SEMA3C: variants seen among roughly 807,000 people sequenced by gnomAD.
The protein encoded by SEMA3C is semaphorin-3C.
In SEMA3C, 47 loss-of-function variants were observed where a neutral mutation model predicts 89.4. That is an observed-to-expected ratio of 0.53 (90% CI 0.42 to 0.67). SEMA3C has a LOEUF of 0.67. Ranked by LOEUF, SEMA3C falls within the 30% of genes least tolerant of loss-of-function variation. The pLI is 0.00. For missense variants in SEMA3C, 839 were observed against 929.1 expected (o/e 0.90, Z 1.26); for synonymous variants, 310 against 320.2 (o/e 0.97, Z 0.34).
At chr7:80,795,017 A>T (rs1583884430) in intron 11 of SEMA3C, among the ~76,000 whole-genome samples, 1 of 152,198 alleles carries the variant, frequency 6.6e-6, no homozygotes, top group Non-Finnish European at 1.5e-5. Context: ...CTTTAAGAAC[A>T]CAGCCATATA....
rs75491119 is a variant in SEMA3C at position 80,909,297 on chromosome 7, C to G, written c.103+7382G>C. On this transcript the variant is annotated intron_variant, in intron 2 of 17. Coordinates refer to ENST00000265361, the MANE Select transcript of SEMA3C (RefSeq NM_006379.5). The stretch of plus-strand genomic sequence containing the variant: ...CATTCTGTCTCCCTTCTCTGAGGAA[C>G]AGAAATCTTCTGTAAAATTACATTG... Among the ~76,000 whole-genome samples the G allele has an allele frequency of 1.7e-3, 255 of 152,254 alleles. 4 individuals are homozygous for G. The East Asian group carries it at 0.026, about 16-fold the overall frequency.
rs1457066940 is a variant in SEMA3C at position 80,796,004 on chromosome 7, C to CTCT, written c.1131+2085_1131+2087dup. Among the ~76,000 whole-genome samples, 4 of 152,156 alleles carry CTCT rather than the reference C, an allele frequency of 2.6e-5. No individual in the cohort carries two copies. The East Asian group carries it at 7.7e-4, about 29-fold the overall frequency. On this transcript the variant is annotated intron_variant, in intron 11 of 17. Transcript: ENST00000265361. ...TCAAACCCTGATTCAAGCAGCATGG[C>CTCT]TCTCTTTTATCTTTTTAATATCTTT...
At chr7:80,855,603 T>C (rs1048023257) in intron 2 of SEMA3C, among the ~76,000 whole-genome samples, 3 of 152,112 alleles carry the variant, frequency 2.0e-5, no homozygotes, top group Non-Finnish European at 4.4e-5. Flanking sequence ...CTGAGGAAAC[T>C]AGGGCAGAAA....
chr7:80,824,589 T>TA (rs1789828379), intron 4 of SEMA3C, among the ~76,000 whole-genome samples: 1 of 152,172 alleles, frequency 6.6e-6, no homozygotes, highest in Non-Finnish European at 1.5e-5. Context: ...TACTACAAAA[T>TA]CTATCAAACC....
At chr7:80,882,869 T>C (rs1049074461) in intron 2 of SEMA3C, among the ~76,000 whole-genome samples, 4 of 151,846 alleles carry the variant, frequency 2.6e-5, no homozygotes, top group African/African-American at 7.3e-5. Context: ...AATAGACATA[T>C]GAAAATTTAA....
intron 2 of SEMA3C, among the ~76,000 whole-genome samples, chr7:80,887,157 C>T (rs1337628545): frequency 6.6e-6 from 1 of 152,084 alleles, no homozygotes; most frequent in Non-Finnish European, 1.5e-5. Context: ...AAATTTAAGG[C>T]ATAATACATT....
At chr7:80,767,155 T>A (rs11976646) in intron 12 of SEMA3C, among the ~76,000 whole-genome samples, 15,229 of 152,266 alleles carry the variant, frequency 0.1, 844 homozygotes, top group Non-Finnish European at 0.12. Context: ...TGCGTTGGTC[T>A]CTCACTCCGC....
intron 2 of SEMA3C, among the ~76,000 whole-genome samples, chr7:80,865,526 G>C (rs1192999820): frequency 6.6e-6 from 1 of 151,980 alleles, no homozygotes; most frequent in Non-Finnish European, 1.5e-5. Flanking sequence ...GGTGGCTCAC[G>C]CCTGTAATCC....
At chr7:80,800,714 A>C (rs529016438) in intron 10 of SEMA3C, 43 bp downstream of exon 10, 1 of 1,153,548 alleles carries the variant, frequency 8.7e-7, no homozygotes, top group African/African-American at 1.6e-5. Flanking sequence ...TACTCCATGA[A>C]GTTTATTGTT....
intron 2 of SEMA3C, among the ~76,000 whole-genome samples, chr7:80,903,787 TA>T (rs1185953817): frequency 2.0e-5 from 3 of 151,952 alleles, no homozygotes; most frequent in Admixed American, 6.6e-5. Context: ...TTTAAAAGGC[TA>T]AAAAAAATGA....
chr7:80,891,368 C>G (rs1472202576), intron 2 of SEMA3C, among the ~76,000 whole-genome samples: 1 of 152,086 alleles, frequency 6.6e-6, no homozygotes, highest in African/African-American at 2.4e-5. Flanking sequence ...ATCCCTCCCT[C>G]CCCCATAATA....
At chr7:80,826,576 C>T (rs1007163010) in intron 4 of SEMA3C, among the ~76,000 whole-genome samples, 1 of 152,116 alleles carries the variant, frequency 6.6e-6, no homozygotes, top group Non-Finnish European at 1.5e-5. Flanking sequence ...AGATATATAA[C>T]AGGTGCTGAA....
intron 15 of SEMA3C, among the ~76,000 whole-genome samples, chr7:80,752,571 C>T (rs921276428): frequency 4.1e-5 from 6 of 147,264 alleles, no homozygotes; most frequent in African/African-American, 1.5e-4. Context: ...GCTGAGATCA[C>T]GCCACTGCAC....
chr7:80,863,660 C>CAT (rs57236307), intron 2 of SEMA3C, among the ~76,000 whole-genome samples: 265 of 147,324 alleles, frequency 1.8e-3, no homozygotes, highest in African/African-American at 5.3e-3. Flanking sequence ...ATATATATCA[C>CAT]ATATATATAT....
chr7:80,764,890 A>T (rs1788262139), intron 13 of SEMA3C, among the ~76,000 whole-genome samples: 1 of 152,214 alleles, frequency 6.6e-6, no homozygotes, highest in African/African-American at 2.4e-5. Context: ...AAAAATAATG[A>T]TGACCACAAT....
chr7:80,759,324 T>C (rs556382465), intron 14 of SEMA3C, among the ~76,000 whole-genome samples: 48 of 152,176 alleles, frequency 3.2e-4, no homozygotes, highest in Admixed American at 1.0e-3. Flanking sequence ...TGGGTGTGTG[T>C]GTACTCCTCC....
At chr7:80,898,174 G>C (rs1051601697) in intron 2 of SEMA3C, among the ~76,000 whole-genome samples, 19 of 151,896 alleles carry the variant, frequency 1.3e-4, no homozygotes, top group African/African-American at 4.4e-4. Context: ...AGACCAGCCT[G>C]GCCAACATGC....
At chr7:80,768,464 A>G (rs2117067334) in intron 12 of SEMA3C, among the ~76,000 whole-genome samples, 1 of 152,146 alleles carries the variant, frequency 6.6e-6, no homozygotes, top group Admixed American at 6.5e-5. Flanking sequence ...CAGTGAGCCA[A>G]GATCGCGCCA....
At chr7:80,798,318 T>C (rs1218982234) in intron 10 of SEMA3C, 82 bp from the exon 11 acceptor site, 1 of 1,172,544 alleles carries the variant, frequency 8.5e-7, no homozygotes. Flanking sequence ...AAATTTATGA[T>C]AAAAAGTTAA....
Sources: allele counts gnomAD v4.1 joint callset (sites outside exome capture counted in the v4.1 genomes callset), GRCh38; gene constraint gnomAD v4.1.1; transcripts MANE v1.5; gene names NCBI Gene and HGNC (gene_info 2026-07-23, HGNC 2026-07-21).